Variants in UST observed in about 807,000 individuals in gnomAD.
The protein encoded by UST is uronyl 2-sulfotransferase.
A neutral mutation model predicts 45.6 loss-of-function variants in UST; 21 were observed. The observed-to-expected ratio is 0.46, with a 90% CI of 0.33 to 0.66. The LOEUF (loss-of-function observed/expected upper bound fraction) is 0.66. Ranked by LOEUF, UST falls within the 30% of genes least tolerant of loss-of-function variation. The probability of loss-of-function intolerance (pLI) is 0.02; values close to 1 mark genes in which losing one functional copy is unlikely to be tolerated. For missense variants in UST, 463 were observed against 512.4 expected, an observed-to-expected ratio of 0.90 and a Z score of 0.93; for synonymous variants, 215 against 200.6, an observed-to-expected ratio of 1.07 and a Z score of -0.61.
intron 1 of UST, among the ~76,000 whole-genome samples, chr6:148,793,494 A>G (rs961264425): frequency 3.9e-5 from 6 of 152,152 alleles, no homozygotes; most frequent in Non-Finnish European, 7.3e-5. Context: ...TTGGAACTTC[A>G]TATGCAGTCA....
At position 148,754,286 on chromosome 6, in the gene UST, G is replaced by A. The variant is rs538388039; in HGVS notation, c.247+6609G>A. Among the ~76,000 whole-genome samples, 20 of 152,232 alleles carry A rather than the reference G, an allele frequency of 1.3e-4. No homozygotes were observed. The South Asian group carries it at 4.1e-3, about 32-fold the overall frequency. On this transcript the variant is annotated intron_variant, in intron 1 of 7. Transcript: ENST00000367463. ...GCTGGGATTACAGGCATGAGCCACC[G>A]CGCCCGGCCACTGATTTTCTTTAAA...
chr6:148,844,824 C>A (rs1418977403), intron 1 of UST, among the ~76,000 whole-genome samples: 1 of 152,060 alleles, frequency 6.6e-6, no homozygotes, highest in Non-Finnish European at 1.5e-5. Context: ...GTATTGTTCT[C>A]GTGTTTATAT....
intron 1 of UST, among the ~76,000 whole-genome samples, chr6:148,871,428 G>C (rs1336254159): frequency 6.6e-6 from 1 of 152,128 alleles, no homozygotes. Context: ...GTGCAGTAGT[G>C]ACTGTCCTGC....
chr6:148,878,046 G>C, intron 1 of UST, among the ~76,000 whole-genome samples: 1 of 130,942 alleles, frequency 7.6e-6, no homozygotes, highest in Non-Finnish European at 1.6e-5. Context: ...GTGTATGAGT[G>C]GGGGGTTCGT....
rs185928491 is a variant in UST at position 148,910,176 on chromosome 6, C to T, written c.291+23147C>T. Among the ~76,000 whole-genome samples, 973 of 132,558 alleles carry T rather than the reference C, an allele frequency of 7.3e-3. 11 individuals are homozygous for T. The highest frequency in any genetic ancestry group is 0.026 in the African/African-American group (913 of 34,468). 87.0% of individuals were successfully genotyped at this position (132,558 alleles called of 152,430 possible). ...TTTTTTTGAGACAGAGTTTCACTCT[C>T]GTTGCCCAGGCTGGAGTGCAATGGC... On this transcript the variant is annotated intron_variant, in intron 2 of 7. Coordinates refer to ENST00000367463, the MANE Select transcript of UST (RefSeq NM_005715.3).
intron 1 of UST, among the ~76,000 whole-genome samples, chr6:148,789,194 G>A (rs1420080118): frequency 6.6e-6 from 1 of 152,106 alleles, no homozygotes; most frequent in Admixed American, 6.6e-5. Context: ...TTTCCAGAAG[G>A]CTTAATTATT....
intron 1 of UST, among the ~76,000 whole-genome samples, chr6:148,855,286 T>G (rs1404617994): frequency 6.6e-6 from 1 of 152,196 alleles, no homozygotes; most frequent in Non-Finnish European, 1.5e-5. Flanking sequence ...AGTCATTGCT[T>G]TGCAGCCTAC....
At chr6:148,816,153 G>C (rs1460453115) in intron 1 of UST, among the ~76,000 whole-genome samples, 1 of 152,182 alleles carries the variant, frequency 6.6e-6, no homozygotes, top group Non-Finnish European at 1.5e-5. Flanking sequence ...TTTTCACTGG[G>C]ATTTGCACAC....
intron 7 of UST, among the ~76,000 whole-genome samples, chr6:149,047,306 A>C (rs1776409699): frequency 6.6e-6 from 1 of 152,222 alleles, no homozygotes; most frequent in Non-Finnish European, 1.5e-5. Context: ...ATGTCAAAAT[A>C]ACATTGAGTT....
chr6:148,781,985 G>A (rs1399450631), intron 1 of UST, among the ~76,000 whole-genome samples: 2 of 152,228 alleles, frequency 1.3e-5, no homozygotes, highest in Admixed American at 6.5e-5. Context: ...AGATGTACAA[G>A]GAGATTAATG....
chr6:148,962,935 G>GTT (rs1562314272), intron 4 of UST, among the ~76,000 whole-genome samples: 1 of 152,242 alleles, frequency 6.6e-6, no homozygotes, highest in East Asian at 1.9e-4. Context: ...GGGAAGAAAC[G>GTT]TTAACAACTG....
intron 6 of UST, among the ~76,000 whole-genome samples, chr6:149,020,650 T>C (rs1775963938): frequency 6.6e-6 from 1 of 152,192 alleles, no homozygotes; most frequent in Non-Finnish European, 1.5e-5. Context: ...AACCCTGGCT[T>C]GCCCAATTCC....
intron 1 of UST, among the ~76,000 whole-genome samples, chr6:148,757,920 G>T (rs1176287779): frequency 2.0e-5 from 3 of 152,224 alleles, no homozygotes; most frequent in Non-Finnish European, 4.4e-5. Flanking sequence ...GGGACAGCTT[G>T]AATAATTTTA....
At chr6:148,871,813 T>C (rs1345491807) in intron 1 of UST, among the ~76,000 whole-genome samples, 1 of 152,198 alleles carries the variant, frequency 6.6e-6, no homozygotes, top group Non-Finnish European at 1.5e-5. Context: ...GAGAGTAAGC[T>C]AGGTAAGCAA....
chr6:148,842,110 A>G (rs2114774270), intron 1 of UST, among the ~76,000 whole-genome samples: 1 of 152,314 alleles, frequency 6.6e-6, no homozygotes. Flanking sequence ...TGTCCCAAGA[A>G]CAACAACAAC....
intron 1 of UST, among the ~76,000 whole-genome samples, chr6:148,802,555 C>T (rs889025179): frequency 2.6e-5 from 4 of 152,190 alleles, no homozygotes; most frequent in Non-Finnish European, 4.4e-5. Flanking sequence ...CTTTAAGTCA[C>T]ACATTGATTT....
At chr6:149,007,286 A>ACTT (rs1657882099) in intron 5 of UST, among the ~76,000 whole-genome samples, 1 of 91,222 alleles carries the variant, frequency 1.1e-5, no homozygotes, top group African/African-American at 4.6e-5. Context: ...CACCCGACCA[A>ACTT]TTTTTTTTTT....
chr6:148,817,372 A>G (rs531391194), intron 1 of UST, among the ~76,000 whole-genome samples: 1 of 152,304 alleles, frequency 6.6e-6, no homozygotes, highest in Non-Finnish European at 1.5e-5. Flanking sequence ...ATTTGAAGAG[A>G]TTTATTCTGA....
chr6:148,904,033 T>G (rs1273846396), intron 2 of UST, among the ~76,000 whole-genome samples: 2 of 152,190 alleles, frequency 1.3e-5, no homozygotes, highest in Non-Finnish European at 2.9e-5. Context: ...AAGCAAAGAC[T>G]AAATTAATTA....
Sources: gnomAD v4.1 joint callset for allele counts (sites outside exome capture counted in the v4.1 genomes callset) on GRCh38, gnomAD v4.1.1 for gene constraint, MANE v1.5 for transcripts, NCBI Gene and HGNC (gene_info 2026-07-23, HGNC 2026-07-21) for gene names.